PAQR5: variants seen among roughly 807,000 people sequenced by gnomAD.
PAQR5 encodes progestin and adipoQ receptor family member 5.
In PAQR5, 20 loss-of-function variants were observed where a neutral mutation model predicts 34.5. The observed-to-expected ratio is 0.58, with a 90% CI of 0.41 to 0.84. The LOEUF is 0.84. Among genes scored for constraint, PAQR5 ranks in the 40% least tolerant of loss-of-function variants. The pLI is 0.00. For synonymous variants in PAQR5, 131 were observed against 155.6 expected, an observed-to-expected ratio of 0.84 and a Z score of 1.18; for missense variants, 378 against 412.7, an observed-to-expected ratio of 0.92 and a Z score of 0.73.
At chr15:69,328,501 T>C (rs962238868) in intron 1 of PAQR5, among the ~76,000 whole-genome samples, 48 of 152,150 alleles carry the variant, frequency 3.2e-4, no homozygotes, top group Admixed American at 2.2e-3. Flanking sequence ...CCCGTGTCCC[T>C]CCTGGAGGAG....
intron 3 of PAQR5, among the ~76,000 whole-genome samples, chr15:69,376,818 C>T (rs1180258425): frequency 6.6e-6 from 1 of 152,170 alleles, no homozygotes; most frequent in African/African-American, 2.4e-5. Flanking sequence ...ATGGATTTCC[C>T]TTCTGTTCCC....
chr15:69,330,947 GAT>G (rs996921331), intron 1 of PAQR5, among the ~76,000 whole-genome samples: 16 of 152,230 alleles, frequency 1.1e-4, no homozygotes, highest in African/African-American at 3.4e-4. Flanking sequence ...TCCAGTGATG[GAT>G]CCAGAAGCCA....
At chr15:69,301,859 ATTTTTTTTTTTTTTTTTTTTT>A (rs71149903) in intron 1 of PAQR5, among the ~76,000 whole-genome samples, 39 of 98,838 alleles carry the variant, frequency 3.9e-4, no homozygotes, top group South Asian at 1.0e-3. Context: ...ATGGGGGGAG[ATTTTTTTTTTTTTTTTTTTTT>A]TTTTTTTTTT....
At chr15:69,347,914 A>G (rs1265525808) in intron 2 of PAQR5, among the ~76,000 whole-genome samples, 2 of 152,230 alleles carry the variant, frequency 1.3e-5, no homozygotes, top group South Asian at 2.1e-4. Context: ...GCTTCAACAT[A>G]TGAATTTTTA....
intron 3 of PAQR5, among the ~76,000 whole-genome samples, chr15:69,364,089 G>A (rs554654164): frequency 6.6e-6 from 1 of 152,264 alleles, no homozygotes; most frequent in East Asian, 1.9e-4. Flanking sequence ...TGTTAAGTCA[G>A]TCTCACAGGG....
At chr15:69,332,541 G>T (rs1408023172) in intron 1 of PAQR5, among the ~76,000 whole-genome samples, 1 of 152,110 alleles carries the variant, frequency 6.6e-6, no homozygotes, top group Non-Finnish European at 1.5e-5. Context: ...CTGGGGAGAG[G>T]AATAGAAACT....
rs541929828 is a variant in PAQR5, at chr15:69,300,841, TTTTCTTTCTTTCTTTCTTTCTTTCTTTC to T, written c.-277+1812_-277+1839del. 3.0e-3 allele frequency among the ~76,000 whole-genome samples: 59 copies of T among 19,580 alleles called. 15 individuals carry two copies. The highest frequency in any genetic ancestry group is 8.5e-3 in the African/African-American group (48 of 5,652). 12.8% of individuals were successfully genotyped at this position (19,580 alleles called of 152,430 possible). On this transcript the variant is annotated intron_variant, in intron 1 of 8. Coordinates refer to ENST00000395407, the MANE Select transcript of PAQR5 (RefSeq NM_017705.4). ...TTCCTTCCTTCCTTCCTTTAGTTCG[TTTTCTTTCTTTCTTTCTTTCTTTCTTTC>T]TTTCTTTCTTTCTTTCTTTCTTTCT...
Position 69,322,811 on chromosome 15 carries a change from G to GGAAGAAGAAGAAGAA in PAQR5, c.-276-14518_-276-14504dup, listed in dbSNP as rs1360531654. On this transcript the variant is annotated intron_variant, in intron 1 of 8. Transcript: ENST00000395407. The stretch of plus-strand genomic sequence containing the variant: ...ACGAGGAAGAAGAAGAAGAGGAAGA[G>GGAAGAAGAAGAAGAA]GAAGAAGAAGAAGAAGAAGAAGAAG... 7.5e-4 allele frequency among the ~76,000 whole-genome samples: 19 copies of GGAAGAAGAAGAAGAA among 25,368 alleles called. 5 individuals are homozygous for GGAAGAAGAAGAAGAA. The highest frequency in any genetic ancestry group is 1.5e-3 in the African/African-American group (16 of 10,836). 16.6% of individuals were successfully genotyped at this position (25,368 alleles called of 152,430 possible). A position where few individuals can be genotyped will look rare whatever the true frequency, so the allele number is the denominator to read the frequency against.
intron 1 of PAQR5, among the ~76,000 whole-genome samples, chr15:69,322,751 A>G (rs59700882): frequency 0.16 from 4,003 of 25,552 alleles, 1,077 homozygotes; most frequent in East Asian, 0.25. Flanking sequence ...AAGAAGAAGA[A>G]GAAGAAGAAG....
Position 69,406,463 on chromosome 15 carries a change from T to C in PAQR5, c.*2641T>C, listed in dbSNP as rs1335352451. The C allele has an allele frequency of 1.3e-5, 2 of 152,278 alleles. No homozygotes were observed. Among genetic ancestry groups the C allele is most frequent in the Non-Finnish European group, 2.9e-5 (2 of 68,054 alleles). The allele number at this position is 152,278 out of a possible 1,614,324, so 9.4% of individuals were successfully genotyped here. ...TGTGGCTGGTCTGAAGGTAGTGAGT[T>C]AGCTCAATTGATTGTTCGCAGTCAG... On this transcript the variant is annotated 3_prime_UTR_variant, in exon 9 of 9. Coordinates refer to ENST00000395407, the MANE Select transcript of PAQR5 (RefSeq NM_017705.4).
chr15:69,353,966 GAC>G (rs1348452229), intron 2 of PAQR5, among the ~76,000 whole-genome samples: 1 of 152,180 alleles, frequency 6.6e-6, no homozygotes, highest in Non-Finnish European at 1.5e-5. Flanking sequence ...TGATGTGGAT[GAC>G]CAGGAGGAAA....
At chr15:69,398,170 T>C (rs898264587) in intron 7 of PAQR5, among the ~76,000 whole-genome samples, 3 of 152,166 alleles carry the variant, frequency 2.0e-5, no homozygotes, top group Non-Finnish European at 2.9e-5. Context: ...CGGGAATGCA[T>C]TGTTCCATCA....
At chr15:69,318,924 G>A (rs1047533313) in intron 1 of PAQR5, among the ~76,000 whole-genome samples, 4 of 151,448 alleles carry the variant, frequency 2.6e-5, no homozygotes, top group Non-Finnish European at 4.4e-5. Context: ...ACCTAAGGTC[G>A]GGTGTTTGAG....
At chr15:69,331,919 T>C (rs1374412908) in intron 1 of PAQR5, among the ~76,000 whole-genome samples, 2 of 152,214 alleles carry the variant, frequency 1.3e-5, no homozygotes, top group African/African-American at 4.8e-5. Flanking sequence ...TGGTTTATTT[T>C]TTCTCTTGTA....
chr15:69,355,470 G>A (rs1047162248), intron 2 of PAQR5, among the ~76,000 whole-genome samples: 32 of 150,284 alleles, frequency 2.1e-4, no homozygotes, highest in Admixed American at 1.4e-3. Flanking sequence ...GCCCAGGCTG[G>A]AGTGTAGTGG....
At chr15:69,327,375 A>G (rs2054278560) in intron 1 of PAQR5, among the ~76,000 whole-genome samples, 1 of 151,954 alleles carries the variant, frequency 6.6e-6, no homozygotes, top group Non-Finnish European at 1.5e-5. Flanking sequence ...CCTCCTTCTC[A>G]TTGTAGCTAC....
At chr15:69,383,782 T>G in intron 4 of PAQR5, among the ~76,000 whole-genome samples, 1 of 68,060 alleles carries the variant, frequency 1.5e-5, no homozygotes. Flanking sequence ...GGAGGGTGAG[T>G]GGGCCTTTGT....
intron 3 of PAQR5, among the ~76,000 whole-genome samples, chr15:69,375,094 A>G (rs2055670364): frequency 1.3e-5 from 2 of 152,236 alleles, no homozygotes; most frequent in South Asian, 4.1e-4. Flanking sequence ...TAGGGCTGCC[A>G]TAACAAAATA....
intron 1 of PAQR5, among the ~76,000 whole-genome samples, chr15:69,316,060 T>C (rs528261737): frequency 3.3e-5 from 5 of 152,292 alleles, no homozygotes; most frequent in African/African-American, 1.2e-4. Flanking sequence ...TGAACTGTTA[T>C]TCTCATTATT....
Sources: allele counts gnomAD v4.1 joint callset (sites outside exome capture counted in the v4.1 genomes callset), GRCh38; gene constraint gnomAD v4.1.1; transcripts MANE v1.5; gene names NCBI Gene and HGNC (gene_info 2026-07-23, HGNC 2026-07-21).